Variants in SLC39A11 observed in about 807,000 individuals in gnomAD.
The protein encoded by SLC39A11 is zinc transporter ZIP11.
Under a neutral mutation model 36.1 loss-of-function variants are expected in SLC39A11, and 33 were observed. The observed-to-expected ratio is 0.91, with a 90% confidence interval of 0.69 to 1.22. The LOEUF is 1.22. SLC39A11 is among the 50% of genes most tolerant of loss of function. The pLI is 0.00. For synonymous variants in SLC39A11, 166 were observed against 170.3 expected (o/e 0.97, Z 0.20); for missense variants, 432 against 430.3 (o/e 1.00, Z -0.03).
intron 3 of SLC39A11, 123 bp from the exon 4 acceptor site, chr17:73,031,837 TC>T: frequency 9.8e-7 from 1 of 1,017,746 alleles, no homozygotes; most frequent in Non-Finnish European, 1.4e-6. Context: ...CAGTCTTTCG[TC>T]CCAGGTTGGG....
chr17:72,818,865 T>C (rs1408885454), intron 6 of SLC39A11: 1 of 152,226 alleles, frequency 6.6e-6, no homozygotes, highest in African/African-American at 2.4e-5. Flanking sequence ...ATCCATCCTT[T>C]TTATTTGTAC....
At chr17:72,861,743 TATATATATATATA>T (rs2080040399) in intron 5 of SLC39A11, among the ~76,000 whole-genome samples, 1 of 2,344 alleles carries the variant, frequency 4.3e-4, no homozygotes, top group East Asian at 0.033. Context: ...TTGGAGATTA[TATATATATATATA>T]TATATATATA....
chr17:72,748,535 G>A (rs571720453), intron 6 of SLC39A11, among the ~76,000 whole-genome samples: 2 of 152,270 alleles, frequency 1.3e-5, no homozygotes, highest in South Asian at 4.1e-4. Context: ...TCCAGTCATG[G>A]CTGCCGACTT....
At chr17:72,949,317 C>A (rs117213065) in intron 4 of SLC39A11, among the ~76,000 whole-genome samples, 1 of 151,652 alleles carries the variant, frequency 6.6e-6, no homozygotes, top group Non-Finnish European at 1.5e-5. Flanking sequence ...CTCACCACCA[C>A]GCCGGGCTAA....
At chr17:72,711,525 G>A (rs1186471833) in intron 7 of SLC39A11, among the ~76,000 whole-genome samples, 1 of 152,190 alleles carries the variant, frequency 6.6e-6, no homozygotes, top group Non-Finnish European at 1.5e-5. Context: ...CTAGGTGAGA[G>A]AGAAATCAAC....
At chr17:73,036,853 G>A (rs1406806497) in intron 3 of SLC39A11, among the ~76,000 whole-genome samples, 3 of 151,970 alleles carry the variant, frequency 2.0e-5, no homozygotes, top group Non-Finnish European at 4.4e-5. Flanking sequence ...TACTTTCACT[G>A]CCCTAAAAAG....
At chr17:72,811,573 C>T (rs779668107) in intron 6 of SLC39A11, among the ~76,000 whole-genome samples, 3 of 152,200 alleles carry the variant, frequency 2.0e-5, no homozygotes, top group Non-Finnish European at 4.4e-5. Context: ...AAATGCATAG[C>T]TTAGTCTTTC....
At chr17:72,688,108 G>A (rs1433226652) in intron 7 of SLC39A11, among the ~76,000 whole-genome samples, 4 of 152,186 alleles carry the variant, frequency 2.6e-5, no homozygotes, top group Non-Finnish European at 5.9e-5. Context: ...TAACGACTAC[G>A]AACTTCAGGG....
At chr17:73,064,740 A>G (rs975188018) in intron 3 of SLC39A11, among the ~76,000 whole-genome samples, 1 of 152,176 alleles carries the variant, frequency 6.6e-6, no homozygotes, top group African/African-American at 2.4e-5. Context: ...AATGAGGCCA[A>G]GAAAACTCCT....
At chr17:72,726,545 T>C (rs2073942399) in intron 7 of SLC39A11, among the ~76,000 whole-genome samples, 2 of 152,060 alleles carry the variant, frequency 1.3e-5, no homozygotes, top group Admixed American at 1.3e-4. Flanking sequence ...CACAATCTAC[T>C]GGAGCAAAAG....
chr17:72,726,481 G>A (rs369470721), intron 7 of SLC39A11, among the ~76,000 whole-genome samples: 9 of 152,036 alleles, frequency 5.9e-5, no homozygotes, highest in East Asian at 5.8e-4. Context: ...ACTGCACTGC[G>A]GCCTGAGCAA....
intron 3 of SLC39A11, among the ~76,000 whole-genome samples, chr17:73,032,538 A>T (rs928282799): frequency 6.6e-6 from 1 of 152,176 alleles, no homozygotes; most frequent in Non-Finnish European, 1.5e-5. Flanking sequence ...AATTCTTCCA[A>T]GACAAATTGC....
At chr17:73,031,291 G>A (rs1347644733) in intron 4 of SLC39A11, among the ~76,000 whole-genome samples, 3 of 131,338 alleles carry the variant, frequency 2.3e-5, no homozygotes, top group East Asian at 4.2e-4. Context: ...GTGCCACCCA[G>A]CACATCAGCT....
In SLC39A11 at chr17:72,647,528, G is replaced by T; in HGVS notation, c.*56C>A. Reference sequence around the variant, plus strand: ...GAAAGAAGCTTGTTGTCCCATAGAAGCCAACCACTGCTGTTTCTTCGTATG... The same window carrying T: ...GAAAGAAGCTTGTTGTCCCATAGAATCCAACCACTGCTGTTTCTTCGTATG... On this transcript the variant is annotated 3_prime_UTR_variant, in exon 10 of 10. Transcript: ENST00000255559. 1 of 1,474,762 alleles carries T rather than the reference G, an allele frequency of 6.8e-7. No individual in the cohort carries two copies. Among genetic ancestry groups the T allele is most frequent in the Non-Finnish European group, 9.4e-7 (1 of 1,067,758 alleles). 91.4% of individuals were successfully genotyped at this position (1,474,762 alleles called of 1,614,324 possible).
At chr17:72,998,262 G>A (rs1342562496) in intron 4 of SLC39A11, among the ~76,000 whole-genome samples, 3 of 151,826 alleles carry the variant, frequency 2.0e-5, no homozygotes, top group African/African-American at 4.9e-5. Flanking sequence ...ATGTAGAGCC[G>A]TGCTATGTCA....
chr17:72,972,640 T>A (rs2087542273), intron 4 of SLC39A11, among the ~76,000 whole-genome samples: 1 of 151,732 alleles, frequency 6.6e-6, no homozygotes, highest in South Asian at 2.1e-4. Flanking sequence ...AAAGAAAAGG[T>A]CACTGTTTCT....
chr17:72,691,890 A>G lies in SLC39A11; in HGVS notation c.672-42622T>C, dbSNP rs554578970. On this transcript the variant is annotated intron_variant, in intron 7 of 9. Transcript: ENST00000255559. ...CCAAATAGGAGGTTTAGCACTATAT[A>G]GGATATGTGACCTCTGTCCTTGAGG... Among the ~76,000 whole-genome samples the G allele has an allele frequency of 1.1e-3, 175 of 152,278 alleles. 1 individual carries two copies. Among genetic ancestry groups the G allele is most frequent in the African/African-American group, 4.1e-3 (172 of 41,564 alleles).
intron 6 of SLC39A11, among the ~76,000 whole-genome samples, chr17:72,743,674 G>T (rs1210423743): frequency 6.6e-6 from 1 of 152,152 alleles, no homozygotes; most frequent in African/African-American, 2.4e-5. Flanking sequence ...CGTTAGTTAT[G>T]CATGCAGAAG....
At chr17:72,672,764 A>G (rs1296572266) in intron 7 of SLC39A11, among the ~76,000 whole-genome samples, 1 of 151,940 alleles carries the variant, frequency 6.6e-6, no homozygotes, top group Non-Finnish European at 1.5e-5. Context: ...ATGCTCAGCT[A>G]ATTTTTTTTA....
Sources: allele counts gnomAD v4.1 joint callset (sites outside exome capture counted in the v4.1 genomes callset), GRCh38; gene constraint gnomAD v4.1.1; transcripts MANE v1.5; gene names NCBI Gene and HGNC (gene_info 2026-07-23, HGNC 2026-07-21).